Variants in HSPA12A observed in about 807,000 individuals in gnomAD.
The protein encoded by HSPA12A is heat shock protein family A (Hsp70) member 12A, also known as heat shock 70 kDa protein 12A.
A neutral mutation model predicts 69.2 loss-of-function variants in HSPA12A; 28 were observed. The ratio of observed to expected loss-of-function variants is 0.40; its 90% CI spans 0.30 to 0.55. The LOEUF (loss-of-function observed/expected upper bound fraction) is 0.55. Among genes scored for constraint, HSPA12A ranks in the 20% least tolerant of loss-of-function variants. The probability of loss-of-function intolerance (pLI) is 0.38; values close to 1 mark genes in which losing one functional copy is unlikely to be tolerated. For synonymous variants in HSPA12A, 345 were observed against 370.5 expected (o/e 0.93, Z 0.79); for missense variants, 686 against 900.7 (o/e 0.76, Z 3.05).
At chr10:116,826,106 C>G (rs185732187) in intron 2 of HSPA12A, among the ~76,000 whole-genome samples, 1 of 152,108 alleles carries the variant, frequency 6.6e-6, no homozygotes, top group Non-Finnish European at 1.5e-5. Flanking sequence ...GCCCCACCCC[C>G]ACACACACCC....
chr10:116,740,132 G>T lies in HSPA12A; in HGVS notation c.40+2298C>A, dbSNP rs146729538. Among the ~76,000 whole-genome samples the T allele has an allele frequency of 6.2e-3, 940 of 152,260 alleles. 4 individuals carry two copies. Among genetic ancestry groups the T allele is most frequent in the Non-Finnish European group, 6.4e-3 (434 of 68,032 alleles). On this transcript the variant is annotated intron_variant, in intron 1 of 11. Coordinates refer to ENST00000369209, the MANE Select transcript of HSPA12A (RefSeq NM_025015.3). ...GGTAACCACTGCACACATGCATAAG[G>T]GCTGTATGCACAGGTTGGTGCCCTG...
At chr10:116,769,228 T>C (rs1396628491) in intron 2 of HSPA12A, among the ~76,000 whole-genome samples, 1 of 152,164 alleles carries the variant, frequency 6.6e-6, no homozygotes, top group Admixed American at 6.5e-5. Context: ...ATGCTGGACC[T>C]AGAGAGCCCC....
chr10:116,781,840 A>G (rs1844471526), intron 2 of HSPA12A, among the ~76,000 whole-genome samples: 1 of 152,172 alleles, frequency 6.6e-6, no homozygotes, highest in African/African-American at 2.4e-5. Flanking sequence ...CAAACAAAGC[A>G]TTTCTTAAAA....
At chr10:116,721,917 T>G (rs1589660299) in intron 1 of HSPA12A, among the ~76,000 whole-genome samples, 1 of 152,226 alleles carries the variant, frequency 6.6e-6, no homozygotes, top group East Asian at 1.9e-4. Context: ...CAGGACCCCT[T>G]GTTCCAGCCC....
chr10:116,772,309 A>AC (rs1393560458), intron 2 of HSPA12A, among the ~76,000 whole-genome samples: 1 of 151,772 alleles, frequency 6.6e-6, no homozygotes, highest in East Asian at 1.9e-4. Context: ...CCCAGGACAG[A>AC]CCCCCAGAGC....
chr10:116,715,437 T>C (rs570727839), intron 1 of HSPA12A, among the ~76,000 whole-genome samples: 50 of 152,346 alleles, frequency 3.3e-4, no homozygotes, highest in African/African-American at 1.1e-3. Flanking sequence ...TTATTATTAA[T>C]AGTACAGTTA....
At chr10:116,701,715 G>C (rs10886003) in intron 3 of HSPA12A, among the ~76,000 whole-genome samples, 1 of 152,052 alleles carries the variant, frequency 6.6e-6, no homozygotes, top group Non-Finnish European at 1.5e-5. Flanking sequence ...CGGGGCATTC[G>C]TGGAGAATGT....
intron 1 of HSPA12A, among the ~76,000 whole-genome samples, chr10:116,719,543 T>A (rs1471292245): frequency 6.6e-6 from 1 of 152,224 alleles, no homozygotes; most frequent in Non-Finnish European, 1.5e-5. Context: ...TTTTCCATGC[T>A]TTGCAACTAA....
chr10:116,744,533 C>T (rs1851604489), upstream of HSPA12A, among the ~76,000 whole-genome samples: 1 of 152,198 alleles, frequency 6.6e-6, no homozygotes, highest in African/African-American at 2.4e-5. Context: ...CATGAGGGTG[C>T]GTGAGAAGGA....
intron 1 of HSPA12A, among the ~76,000 whole-genome samples, chr10:116,735,800 C>T (rs1193354475): frequency 1.3e-5 from 2 of 151,358 alleles, no homozygotes; most frequent in Non-Finnish European, 2.9e-5. Flanking sequence ...AGTTTGAGAC[C>T]AGCCTGGGCA....
At chr10:116,752,680 T>C (rs976527932) in intron 2 of HSPA12A, among the ~76,000 whole-genome samples, 1 of 152,172 alleles carries the variant, frequency 6.6e-6, no homozygotes, top group Non-Finnish European at 1.5e-5. Flanking sequence ...GTTAAGGATG[T>C]GGGTTAGGGA....
intron 2 of HSPA12A, among the ~76,000 whole-genome samples, chr10:116,766,060 G>A (rs149846751): frequency 1.3e-5 from 2 of 152,032 alleles, no homozygotes; most frequent in East Asian, 3.9e-4. Flanking sequence ...CTCACCATTC[G>A]GCCACATTCA....
intron 2 of HSPA12A, among the ~76,000 whole-genome samples, chr10:116,781,794 T>C (rs1844470238): frequency 1.3e-5 from 2 of 152,040 alleles, no homozygotes; most frequent in Admixed American, 1.3e-4. Flanking sequence ...GGGTAGGGGG[T>C]GTCCTCCTTG....
chr10:116,742,609 C>A (rs1554887395), upstream of HSPA12A: 1 of 1,081,582 alleles, frequency 9.2e-7, no homozygotes, highest in African/African-American at 1.7e-5. Flanking sequence ...GCGGCAGCCG[C>A]CGCAGCCACG....
intron 2 of HSPA12A, among the ~76,000 whole-genome samples, chr10:116,793,422 T>A (rs1447690201): frequency 6.6e-6 from 1 of 152,084 alleles, no homozygotes; most frequent in Non-Finnish European, 1.5e-5. Flanking sequence ...GATACAAGAA[T>A]TAGCCAGGTA....
chr10:116,768,724 T>C (rs1310541752), intron 2 of HSPA12A, among the ~76,000 whole-genome samples: 1 of 152,114 alleles, frequency 6.6e-6, no homozygotes, highest in African/African-American at 2.4e-5. Context: ...AGACTGGTCT[T>C]GAACTGCTGG....
At chr10:116,734,917 G>A (rs901793416) in intron 1 of HSPA12A, among the ~76,000 whole-genome samples, 46 of 151,990 alleles carry the variant, frequency 3.0e-4, no homozygotes, top group Admixed American at 9.8e-4. Context: ...GCATGAACCC[G>A]GGAGGCGGAG....
intron 2 of HSPA12A, among the ~76,000 whole-genome samples, chr10:116,772,378 TG>T (rs1844232162): frequency 6.6e-6 from 1 of 152,114 alleles, no homozygotes; most frequent in Non-Finnish European, 1.5e-5. Flanking sequence ...CACTTGCTCC[TG>T]GGACCAGCAG....
At chr10:116,717,711 A>G (rs1638428) in intron 1 of HSPA12A, among the ~76,000 whole-genome samples, 123,565 of 152,158 alleles carry the variant, frequency 0.81, 51,902 homozygotes, top group Non-Finnish European at 0.93. Flanking sequence ...CTGCTGCTGA[A>G]AAAACGACCG....
Sources: allele counts gnomAD v4.1 joint callset (sites outside exome capture counted in the v4.1 genomes callset), GRCh38; gene constraint gnomAD v4.1.1; transcripts MANE v1.5; gene names NCBI Gene and HGNC (gene_info 2026-07-23, HGNC 2026-07-21).